Variants in GLUD1 observed in about 807,000 individuals in gnomAD.
GLUD1 encodes the protein glutamate dehydrogenase 1.
Under a neutral mutation model 56.0 loss-of-function variants are expected in GLUD1, and 22 were observed. The ratio of observed to expected loss-of-function variants is 0.39; its 90% CI spans 0.28 to 0.56. The LOEUF (loss-of-function observed/expected upper bound fraction) is 0.56. Ranked by LOEUF, GLUD1 falls within the 20% of genes least tolerant of loss-of-function variation. The pLI is 0.58. For synonymous variants in GLUD1, 223 were observed against 269.9 expected, an observed-to-expected ratio of 0.83 and a Z score of 1.70; for missense variants, 451 against 732.0, an observed-to-expected ratio of 0.62 and a Z score of 4.43.
intron 11 of GLUD1, among the ~76,000 whole-genome samples, chr10:87,056,923 T>C (rs1589354032): frequency 6.6e-6 from 1 of 152,120 alleles, no homozygotes; most frequent in East Asian, 1.9e-4. Context: ...GTTTTTCCTG[T>C]CTTCCATCAT....
At position 87,094,521 on chromosome 10, in the gene GLUD1, G is replaced by A. The variant is rs372722641; in HGVS notation, c.249C>T (p.Asp83=). ...FFDRGASIVE[D]KLVEDLRTRE... ...GGGTCCTCAGGTCCTCCACCAGCTTGTCCTCCACGATGCTGGCGCCGCGAT... is the reference window on the plus strand; with the variant it reads ...GGGTCCTCAGGTCCTCCACCAGCTTATCCTCCACGATGCTGGCGCCGCGAT... The change falls in exon 1 of 13, where the codon GAC becomes GAT. Residue 83 remains aspartate (D), a synonymous_variant. Coordinates refer to ENST00000277865, the MANE Select transcript of GLUD1 (RefSeq NM_005271.5). The surrounding 1 kb of genome is among the most constrained non-coding windows in gnomAD (Gnocchi z 6.6). The A allele has an allele frequency of 6.2e-7, 1 of 1,612,926 alleles. No individual in the cohort carries two copies. The highest frequency in any genetic ancestry group is 8.5e-7 in the Non-Finnish European group (1 of 1,179,976).
rs201872390 is a variant in GLUD1 at position 87,053,330 on chromosome 10, C to G, written c.1557+12G>C. The G allele has an allele frequency of 1.3e-6, 2 of 1,594,934 alleles. No homozygotes were observed. Among genetic ancestry groups the G allele is most frequent in the African/African-American group, 1.3e-5 (1 of 74,528 alleles). On this transcript the variant is annotated intron_variant, in intron 12 of 12. Transcript: ENST00000277865. Reference sequence around the variant, plus strand: ...TGACTAGCTGGAAGGCAAACAGCATCTGCACACATACCCTGGCAGAACGCT... The same window carrying G: ...TGACTAGCTGGAAGGCAAACAGCATGTGCACACATACCCTGGCAGAACGCT...
chr10:87,064,051 T>G (rs926281791), intron 5 of GLUD1, among the ~76,000 whole-genome samples: 3 of 152,152 alleles, frequency 2.0e-5, no homozygotes, highest in African/African-American at 7.2e-5. Context: ...CTAATTTTTT[T>G]GTATTTTTAG....
intron 5 of GLUD1, 127 bp from the exon 6 acceptor site, chr10:87,062,962 G>C (rs1845973945): frequency 1.4e-5 from 12 of 851,098 alleles, no homozygotes; most frequent in Non-Finnish European, 2.3e-5. Flanking sequence ...GTGTGTGTAT[G>C]AATGTATTTA....
chr10:87,088,490 G>A (rs1020263859), intron 1 of GLUD1, among the ~76,000 whole-genome samples: 1 of 151,882 alleles, frequency 6.6e-6, no homozygotes, highest in East Asian at 1.9e-4. Context: ...CCTTCAATAC[G>A]AGTACATCAC....
chr10:87,061,243 C>A (rs140276410), intron 6 of GLUD1, 191 bp from the exon 7 acceptor site: 1 of 708,186 alleles, frequency 1.4e-6, no homozygotes, highest in Non-Finnish European at 2.6e-6. Context: ...ATGTGATGAG[C>A]GGGCATGGTG....
intron 1 of GLUD1, chr10:87,089,545 C>T: frequency 2.3e-6 from 2 of 883,046 alleles, no homozygotes; most frequent in Non-Finnish European, 2.7e-6. Context: ...AAATGTTAGC[C>T]TTTGCTAATA....
rs116131362 is a variant in GLUD1, at chr10:87,067,594, T to G, written c.741+469A>C. ...CAGACAAACTGAACGCTATTGTTTC[T>G]CTTCCTCTTATCCTCCAAATCTCTA... is the stretch of plus-strand genomic sequence containing the variant. On this transcript the variant is annotated intron_variant, in intron 5 of 12. Transcript: ENST00000277865. 6.9e-3 allele frequency: 1,214 copies of G among 176,706 alleles called. 20 individuals are homozygous for G. Among genetic ancestry groups the G allele is most frequent in the African/African-American group, 0.028 (1,165 of 42,104 alleles). 10.9% of individuals were successfully genotyped at this position (176,706 alleles called of 1,614,324 possible).
At chr10:87,060,514 C>T (rs552178809) in intron 8 of GLUD1, 174 bp downstream of exon 8, 32 of 833,730 alleles carry the variant, frequency 3.8e-5, no homozygotes, top group South Asian at 7.2e-5. Context: ...AACTCTGTGC[C>T]GGTAGCTAAA....
chr10:87,060,483 T>C (rs543289050), intron 8 of GLUD1: 1 of 702,100 alleles, frequency 1.4e-6, no homozygotes, highest in Admixed American at 2.6e-5. Context: ...GCAGATGCGT[T>C]TGTTTTGGTA....
At chr10:87,060,059 T>C (rs1845886601) in intron 9 of GLUD1, 102 bp downstream of exon 9, 1 of 801,298 alleles carries the variant, frequency 1.2e-6, no homozygotes, top group Non-Finnish European at 2.2e-6. Flanking sequence ...ATGAATTCAC[T>C]AGAGCTTGGA....
At chr10:87,061,253 G>C in intron 6 of GLUD1, 1 of 690,680 alleles carries the variant, frequency 1.4e-6, no homozygotes, top group Non-Finnish European at 2.6e-6. Flanking sequence ...CGGGCATGGT[G>C]GCTCACGCTT....
chr10:87,080,666 C>T (rs1564560568), intron 1 of GLUD1, among the ~76,000 whole-genome samples: 2 of 151,388 alleles, frequency 1.3e-5, no homozygotes, highest in African/African-American at 2.4e-5. Context: ...TCTGCCCAGC[C>T]GCCCCATCTG....
rs1845964191 is a variant in GLUD1 at position 87,062,565 on chromosome 10, C to A, written c.921+91G>T. 3.9e-6 allele frequency: 4 copies of A among 1,021,552 alleles called. No individual in the cohort carries two copies. The South Asian group carries it at 5.8e-5, about 15-fold the overall frequency. 63.3% of individuals were successfully genotyped at this position (1,021,552 alleles called of 1,614,324 possible). On this transcript the variant is annotated intron_variant, in intron 6 of 12. Transcript: ENST00000277865. ...CTAAAATTTAAGAGATTTGAGATAA[C>A]TTAATTTTAAAATTACAATTCTAAA...
Position 87,085,523 on chromosome 10 carries a change from T to A in GLUD1, c.445+8802A>T, listed in dbSNP as rs367596704. ...CTAAGCTTTCTGGGAAGCAAATGTT[T>A]AGCTGATATTAGAAAAATATAACCT... On this transcript the variant is annotated intron_variant, in intron 1 of 12. Coordinates refer to ENST00000277865, the MANE Select transcript of GLUD1 (RefSeq NM_005271.5). 2.6e-5 allele frequency among the ~76,000 whole-genome samples: 4 copies of A among 152,164 alleles called. No homozygotes were observed. The East Asian group carries it at 5.8e-4, about 22-fold the overall frequency.
intron 1 of GLUD1, among the ~76,000 whole-genome samples, chr10:87,084,829 C>T (rs903193139): frequency 1.3e-4 from 20 of 152,132 alleles, no homozygotes; most frequent in African/African-American, 4.1e-4. Context: ...AACACTCTTG[C>T]CACTTACTCA....
chr10:87,078,399 T>A (rs1846460267), intron 1 of GLUD1, among the ~76,000 whole-genome samples: 1 of 152,210 alleles, frequency 6.6e-6, no homozygotes, highest in South Asian at 2.1e-4. Flanking sequence ...ACTCCCACTT[T>A]CCTGCCTCTC....
At chr10:87,059,100 T>A (rs746026416) in intron 10 of GLUD1, 50 bp downstream of exon 10, 2 of 1,609,048 alleles carry the variant, frequency 1.2e-6, no homozygotes, top group East Asian at 4.5e-5. Flanking sequence ...TTACAGCCTT[T>A]CAGCTGGCTC....
chr10:87,060,765 C>T lies in GLUD1; in HGVS notation c.1120G>A (p.Ala374Thr). 1 of 1,614,152 alleles carries T rather than the reference C, an allele frequency of 6.2e-7. No homozygotes were observed. The highest frequency in any genetic ancestry group is 8.5e-7 in the Non-Finnish European group (1 of 1,180,034). ...GCTGGGATCAGTATGTCACAGTCGG[C>T]CTCCAAGATGCTTCCTTCATAGGGC... ...AKPYEGSILE[A>T]DCDILIPAAS... is the part of the protein sequence containing the mutation. The change falls in exon 8 of 13, where the codon GCC becomes ACC. Residue 374 changes from alanine to threonine, a missense_variant. By Grantham distance (58) the Ala-to-Thr change is moderately conservative. Around this residue, in one of 4 missense-constraint regions of GLUD1, gnomAD observed 248 missense variants for 460.0 expected, o/e 0.54. Coordinates refer to ENST00000277865, the MANE Select transcript of GLUD1 (RefSeq NM_005271.5).
Sources: allele counts gnomAD v4.1 joint callset (sites outside exome capture counted in the v4.1 genomes callset), GRCh38; gene constraint gnomAD v4.1.1; regional missense constraint gnomAD v4.1.1; non-coding constraint Gnocchi (gnomAD v3.1); transcripts MANE v1.5; gene names NCBI Gene and HGNC (gene_info 2026-07-23, HGNC 2026-07-21).